Variants in ERAP1 observed in about 807,000 individuals in gnomAD.
ERAP1 encodes endoplasmic reticulum aminopeptidase 1, also known as adipocyte-derived leucine aminopeptidase.
ERAP1 carries 86 observed loss-of-function variants against 103.7 expected under a neutral mutation model. The ratio of observed to expected loss-of-function variants is 0.83; its 90% CI spans 0.70 to 0.99. The LOEUF is 0.99. Among genes scored for constraint, ERAP1 ranks in the 50% least tolerant of loss-of-function variants. ERAP1 has a pLI of 0.00. For synonymous variants in ERAP1, 398 were observed against 402.4 expected (o/e 0.99, Z 0.13); for missense variants, 1,009 against 1,128.4 (o/e 0.89, Z 1.52).
chr5:96,819,178 C>A, the ERAP1 span, among the ~76,000 whole-genome samples: 6 of 152,198 alleles, frequency 3.9e-5, no homozygotes, highest in African/African-American at 1.4e-4. Context: ...CCCGCCTCGG[C>A]CTCCCAATGT....
intron 19 of ERAP1, among the ~76,000 whole-genome samples, chr5:96,765,739 T>C (rs759981463): frequency 2.0e-5 from 3 of 152,190 alleles, no homozygotes; most frequent in Non-Finnish European, 4.4e-5. Flanking sequence ...AAGAAAAAGA[T>C]ATTTTATACC....
chr5:96,902,686 C>A, the ERAP1 span: 1 of 191,266 alleles, frequency 5.2e-6, no homozygotes, highest in Non-Finnish European at 1.1e-5. Flanking sequence ...AAAGCACATA[C>A]TTTAAAATTG....
At chr5:96,768,599 A>G (rs1393652595) in intron 19 of ERAP1, among the ~76,000 whole-genome samples, 1 of 152,178 alleles carries the variant, frequency 6.6e-6, no homozygotes, top group Admixed American at 6.5e-5. Flanking sequence ...TGTAATTTCC[A>G]TAGCCACCAT....
At chr5:96,926,301 A>G in the ERAP1 span, among the ~76,000 whole-genome samples, 10,704 of 152,280 alleles carry the variant, frequency 0.07, 452 homozygotes, top group Middle Eastern at 0.15. Context: ...TCAGTTTTAT[A>G]TCAGAGATAT....
the ERAP1 span, chr5:96,823,042 G>A: frequency 2.2e-6 from 1 of 456,250 alleles, no homozygotes; most frequent in South Asian, 1.5e-5. Flanking sequence ...CTTGCTGGCT[G>A]TTGACTGGAG....
the ERAP1 span, among the ~76,000 whole-genome samples, chr5:96,922,504 A>G: frequency 6.6e-6 from 1 of 152,182 alleles, no homozygotes; most frequent in Non-Finnish European, 1.5e-5. Context: ...TCATATCTTC[A>G]GATGTAGAGC....
At chr5:96,901,259 C>G in the ERAP1 span, among the ~76,000 whole-genome samples, 3 of 152,140 alleles carry the variant, frequency 2.0e-5, no homozygotes, top group South Asian at 4.1e-4. Context: ...TTTTCACTGG[C>G]TTTTCCTGCC....
At chr5:96,804,024 C>G in intron 1 of ERAP1, 81 bp from the exon 2 acceptor site, 6 of 1,489,462 alleles carry the variant, frequency 4.0e-6, no homozygotes, top group Non-Finnish European at 4.6e-6. Context: ...ATGTATCCAC[C>G]CAGCATTCAC....
intron 19 of ERAP1, among the ~76,000 whole-genome samples, chr5:96,766,954 G>C (rs902001639): frequency 1.3e-5 from 2 of 152,116 alleles, no homozygotes; most frequent in African/African-American, 4.8e-5. Context: ...CCTCAAGATA[G>C]CAATTCCACA....
chr5:96,910,476 A>G, the ERAP1 span, among the ~76,000 whole-genome samples: 1 of 152,038 alleles, frequency 6.6e-6, no homozygotes, highest in Non-Finnish European at 1.5e-5. Flanking sequence ...TTAAAAAAAA[A>G]CCTTTTAAAT....
At chr5:96,801,978 A>G (rs545172581) in intron 2 of ERAP1, among the ~76,000 whole-genome samples, 68 of 152,106 alleles carry the variant, frequency 4.5e-4, no homozygotes, top group Non-Finnish European at 8.4e-4. Flanking sequence ...ACATATCAAA[A>G]GCTGCTCAAC....
intron 19 of ERAP1, among the ~76,000 whole-genome samples, chr5:96,764,980 G>T (rs1769328227): frequency 6.6e-6 from 1 of 152,138 alleles, no homozygotes; most frequent in African/African-American, 2.4e-5. Flanking sequence ...AGATGGGCAG[G>T]GTTGGGTGGA....
the ERAP1 span, among the ~76,000 whole-genome samples, chr5:96,862,436 C>T: frequency 2.6e-5 from 4 of 152,272 alleles, no homozygotes; most frequent in African/African-American, 4.8e-5. Context: ...AGTGAAATTG[C>T]GGCTGCCAAC....
chr5:96,906,030 C>T, the ERAP1 span, among the ~76,000 whole-genome samples: 1 of 151,282 alleles, frequency 6.6e-6, no homozygotes, highest in Non-Finnish European at 1.5e-5. Context: ...TCTGCTCAGC[C>T]TCGCAAATTG....
At chr5:96,864,271 G>A in the ERAP1 span, among the ~76,000 whole-genome samples, 9 of 152,278 alleles carry the variant, frequency 5.9e-5, no homozygotes, top group South Asian at 4.1e-4. Flanking sequence ...AATTGCCATC[G>A]TTGACACAGT....
the ERAP1 span, chr5:96,909,748 T>C: frequency 6.2e-7 from 1 of 1,614,062 alleles, no homozygotes; most frequent in Non-Finnish European, 8.5e-7. Context: ...GTGGATGGAA[T>C]CCAGTGGAAA....
downstream of ERAP1, among the ~76,000 whole-genome samples, chr5:96,770,827 C>T (rs999870563): frequency 2.6e-5 from 4 of 152,012 alleles, no homozygotes; most frequent in African/African-American, 9.7e-5. Context: ...TTGACACAAC[C>T]CAATTTGCCT....
chr5:96,815,407 G>GTTTTTTTTT, the ERAP1 span, among the ~76,000 whole-genome samples: 6 of 105,454 alleles, frequency 5.7e-5, no homozygotes, highest in Non-Finnish European at 8.3e-5. Flanking sequence ...TGTTTGTTTT[G>GTTTTTTTTT]TTTTTTATTT....
chr5:96,908,736 G>A, the ERAP1 span, among the ~76,000 whole-genome samples: 1 of 152,140 alleles, frequency 6.6e-6, no homozygotes, highest in Non-Finnish European at 1.5e-5. Flanking sequence ...GAGGAAGATA[G>A]TATTATTATC....
Sources: gnomAD v4.1 joint callset for allele counts (sites outside exome capture counted in the v4.1 genomes callset) on GRCh38, gnomAD v4.1.1 for gene constraint, MANE v1.5 for transcripts, NCBI Gene and HGNC (gene_info 2026-07-23, HGNC 2026-07-21) for gene names.